TRPS1: variants seen among roughly 807,000 people sequenced by gnomAD.
TRPS1 encodes the protein transcriptional repressor GATA binding 1.
A neutral mutation model predicts 101.2 loss-of-function variants in TRPS1; 6 were observed. The observed-to-expected ratio is 0.06, with a 90% CI of 0.03 to 0.12. The LOEUF (loss-of-function observed/expected upper bound fraction) is 0.12. TRPS1 is among the 10% of genes least tolerant of loss of function. TRPS1 has a pLI of 1.00. For missense variants in TRPS1, 1,363 were observed against 1,567.0 expected (o/e 0.87, Z 2.20); for synonymous variants, 578 against 589.8 (o/e 0.98, Z 0.29).
intron 5 of TRPS1, among the ~76,000 whole-genome samples, chr8:115,491,115 G>C (rs993353552): frequency 1.3e-5 from 2 of 152,260 alleles, no homozygotes; most frequent in Non-Finnish European, 2.9e-5. Context: ...AAACAAAGGA[G>C]ACATCTAAAC....
intron 5 of TRPS1, among the ~76,000 whole-genome samples, chr8:115,555,831 C>T (rs971866248): frequency 4.0e-5 from 6 of 149,642 alleles, no homozygotes; most frequent in African/African-American, 7.5e-5. Context: ...GGTAAAATCT[C>T]GTCTCTACAA....
At chr8:115,574,372 C>A (rs374888974) in intron 5 of TRPS1, among the ~76,000 whole-genome samples, 14 of 152,224 alleles carry the variant, frequency 9.2e-5, no homozygotes, top group South Asian at 4.1e-4. Flanking sequence ...CGGACACTCA[C>A]CAACACGCAT....
intron 5 of TRPS1, among the ~76,000 whole-genome samples, chr8:115,475,381 C>T (rs1235260426): frequency 1.3e-5 from 2 of 150,192 alleles, no homozygotes; most frequent in Non-Finnish European, 2.9e-5. Context: ...GGATCACTTG[C>T]TACTGCAATT....
At chr8:115,490,608 G>A (rs892220391) in intron 5 of TRPS1, among the ~76,000 whole-genome samples, 3 of 152,114 alleles carry the variant, frequency 2.0e-5, no homozygotes, top group Non-Finnish European at 4.4e-5. Context: ...TTGTGTCTCA[G>A]TAATCGTCTA....
At chr8:115,506,248 C>G (rs1815440264) in intron 5 of TRPS1, among the ~76,000 whole-genome samples, 2 of 151,386 alleles carry the variant, frequency 1.3e-5, no homozygotes, top group Non-Finnish European at 3.0e-5. Context: ...AAAAAACATG[C>G]AGGAAAAAAA....
rs1817947241 is a variant in TRPS1, at chr8:115,603,153, C to T, written c.2096+720G>A. On this transcript the variant is annotated intron_variant, in intron 4 of 6. Transcript: ENST00000395715. ...CATACATGAAATAAAGATACATATCCTATGCTTATCTCTAGATATTATAAA... is the reference window on the plus strand; with the variant it reads ...CATACATGAAATAAAGATACATATCTTATGCTTATCTCTAGATATTATAAA... Among the ~76,000 whole-genome samples, 3 of 152,200 alleles carry T rather than the reference C, an allele frequency of 2.0e-5. No individual in the cohort carries two copies. The South Asian group carries it at 6.2e-4, about 32-fold the overall frequency.
chr8:115,482,975 A>T (rs1814791488), intron 5 of TRPS1, among the ~76,000 whole-genome samples: 1 of 152,238 alleles, frequency 6.6e-6, no homozygotes. Flanking sequence ...TGCCTTTTAC[A>T]TATGAGTTTT....
At chr8:115,533,447 T>TTTGTTTTTTTTTTTTTTTTTTG (rs1554583407) in intron 5 of TRPS1, among the ~76,000 whole-genome samples, 4 of 131,444 alleles carry the variant, frequency 3.0e-5, no homozygotes, top group African/African-American at 1.2e-4. Context: ...TTTTTTTTTT[T>TTTGTTTTTTTTTTTTTTTTTTG]TTTTTTTTTT....
At position 115,619,182 on chromosome 8, in the gene TRPS1, C is replaced by T. The variant is rs1418225044; in HGVS notation, c.916G>A (p.Asp306Asn). The T allele has an allele frequency of 6.2e-7, 1 of 1,614,134 alleles. No homozygotes were observed. Among genetic ancestry groups the T allele is most frequent in the South Asian group, 1.1e-5 (1 of 91,088 alleles). The change falls in exon 3 of 7, where the codon GAC (aspartate) becomes AAC (asparagine). Residue 306 changes from aspartate (D) to asparagine (N), a missense_variant. By Grantham distance (23) the Asp-to-Asn change is conservative. This residue lies in a region of TRPS1 where 1,020 missense variants were observed against 1,073.0 expected (regional missense o/e 0.95). Coordinates refer to ENST00000395715, the MANE Select transcript of TRPS1 (RefSeq NM_014112.5). ...NRSVFSGVLQ[D>N]INSSRPVLLN... ...AAAACAGGCCTTGAAGAATTGATGT[C>T]CTGCAGCACACCAGAAAACACAGAA...
rs566195918 is a variant in TRPS1 at position 115,652,941 on chromosome 8, G to A, written c.-122+15604C>T. 1.3e-3 allele frequency among the ~76,000 whole-genome samples: 201 copies of A among 152,300 alleles called. 1 individual carries two copies. Among genetic ancestry groups the A allele is most frequent in the Middle Eastern group, 3.4e-3 (1 of 294 alleles). ...AGTTAAGTGTATACTGATTTATCAG[G>A]AGGGCAAATCCCTTAAGAGGTGGAA... On this transcript the variant is annotated intron_variant, in intron 1 of 6. Coordinates refer to ENST00000395715, the MANE Select transcript of TRPS1 (RefSeq NM_014112.5).
intron 5 of TRPS1, among the ~76,000 whole-genome samples, chr8:115,464,028 C>A (rs1814255779): frequency 6.6e-6 from 1 of 152,058 alleles, no homozygotes; most frequent in African/African-American, 2.4e-5. Context: ...TGCACATGCT[C>A]AGTGCTTCAC....
intron 5 of TRPS1, among the ~76,000 whole-genome samples, chr8:115,569,967 CT>C (rs1817161960): frequency 6.6e-6 from 1 of 151,966 alleles, no homozygotes; most frequent in African/African-American, 2.4e-5. Context: ...AACAAATAGA[CT>C]TTTTAGGTTT....
At chr8:115,436,130 C>T (rs1334601940) in intron 5 of TRPS1, among the ~76,000 whole-genome samples, 2 of 151,604 alleles carry the variant, frequency 1.3e-5, no homozygotes, top group African/African-American at 4.9e-5. Context: ...TATTTTTCTT[C>T]AGTTGTGTGT....
At chr8:115,459,563 T>C (rs1046410171) in intron 5 of TRPS1, among the ~76,000 whole-genome samples, 1 of 152,146 alleles carries the variant, frequency 6.6e-6, no homozygotes, top group Non-Finnish European at 1.5e-5. Flanking sequence ...CAAAGTTAAA[T>C]GAGAAAGTTA....
At chr8:115,551,939 G>A (rs1816715083) in intron 5 of TRPS1, among the ~76,000 whole-genome samples, 1 of 152,156 alleles carries the variant, frequency 6.6e-6, no homozygotes, top group Non-Finnish European at 1.5e-5. Flanking sequence ...CCTTTTGCAG[G>A]TGTGCCTCAA....
chr8:115,622,114 A>C (rs1483207048), intron 2 of TRPS1, among the ~76,000 whole-genome samples: 1 of 152,142 alleles, frequency 6.6e-6, no homozygotes, highest in African/African-American at 2.4e-5. Context: ...CTTCTGGAGG[A>C]AAGAAGGGGA....
chr8:115,633,191 G>A (rs1374286497), intron 1 of TRPS1, among the ~76,000 whole-genome samples: 3 of 152,066 alleles, frequency 2.0e-5, no homozygotes, highest in Admixed American at 6.6e-5. Flanking sequence ...GTAAAAGAAG[G>A]AAGAGAAGAG....
intron 5 of TRPS1, among the ~76,000 whole-genome samples, chr8:115,567,911 G>C (rs1586411319): frequency 6.6e-6 from 1 of 152,238 alleles, no homozygotes; most frequent in South Asian, 2.1e-4. Context: ...TGAATACAGT[G>C]ATCTTCTAGT....
chr8:115,625,352 T>C (rs1818482476), intron 1 of TRPS1, among the ~76,000 whole-genome samples: 1 of 151,978 alleles, frequency 6.6e-6, no homozygotes. Context: ...GGAATTTGAA[T>C]AAATTATTTC....
Sources: gnomAD v4.1 joint callset for allele counts (sites outside exome capture counted in the v4.1 genomes callset) on GRCh38, gnomAD v4.1.1 for gene constraint, gnomAD v4.1.1 regional missense constraint, MANE v1.5 for transcripts, NCBI Gene and HGNC (gene_info 2026-07-23, HGNC 2026-07-21) for gene names.